The following HPSE2 variants were observed in gnomAD, a reference collection of about 807,000 sequenced individuals.
The protein encoded by HPSE2 is inactive heparanase-2.
Under a neutral mutation model 60.5 loss-of-function variants are expected in HPSE2, and 38 were observed. The ratio of observed to expected loss-of-function variants is 0.63; its 90% CI spans 0.48 to 0.82. The LOEUF (loss-of-function observed/expected upper bound fraction) is 0.82. HPSE2 is among the 40% of genes least tolerant of loss of function. HPSE2 has a pLI of 0.00. For missense variants in HPSE2, 713 were observed against 740.4 expected, an observed-to-expected ratio of 0.96 and a Z score of 0.43; for synonymous variants, 295 against 293.2, an observed-to-expected ratio of 1.01 and a Z score of -0.06.
intron 6 of HPSE2, among the ~76,000 whole-genome samples, chr10:98,646,773 C>G (rs571586333): frequency 6.6e-6 from 1 of 151,960 alleles, no homozygotes; most frequent in Non-Finnish European, 1.5e-5. Context: ...TGGTGTTGCC[C>G]TTTATTTTTA....
At chr10:99,232,669 C>G (rs970428272) in intron 1 of HPSE2, among the ~76,000 whole-genome samples, 164 bp from the exon 2 acceptor site, 1 of 152,252 alleles carries the variant, frequency 6.6e-6, no homozygotes, top group Non-Finnish European at 1.5e-5. Flanking sequence ...GGCCGCTGCC[C>G]TGCGCCCCAG....
intron 2 of HPSE2, among the ~76,000 whole-genome samples, chr10:99,188,498 G>T (rs1848110289): frequency 6.6e-6 from 1 of 152,120 alleles, no homozygotes; most frequent in South Asian, 2.1e-4. Flanking sequence ...ATTTGCAAAG[G>T]TTATCTCTTG....
At chr10:98,528,474 A>G (rs951874007) in intron 9 of HPSE2, among the ~76,000 whole-genome samples, 3 of 152,150 alleles carry the variant, frequency 2.0e-5, no homozygotes, top group African/African-American at 7.2e-5. Context: ...AAAAAGCAGG[A>G]GAGCAAAGAG....
chr10:99,196,663 T>C (rs1461766254), intron 2 of HPSE2, among the ~76,000 whole-genome samples: 1 of 152,210 alleles, frequency 6.6e-6, no homozygotes, highest in Non-Finnish European at 1.5e-5. Context: ...TGCAAGGAGA[T>C]ATTATCTCAC....
intron 8 of HPSE2, among the ~76,000 whole-genome samples, chr10:98,618,447 T>C (rs747900839): frequency 5.9e-5 from 9 of 152,098 alleles, no homozygotes; most frequent in Non-Finnish European, 1.2e-4. Flanking sequence ...CAGCGTCCTA[T>C]AGTGAGTGCT....
chr10:98,697,517 C>T (rs12770577), intron 5 of HPSE2, among the ~76,000 whole-genome samples: 75,407 of 151,624 alleles, frequency 0.5, 20,977 homozygotes, highest in South Asian at 0.74. Context: ...GTAAAAAGAC[C>T]AAACATATGA....
chr10:99,165,684 T>C (rs191134584), intron 2 of HPSE2, among the ~76,000 whole-genome samples: 16 of 152,038 alleles, frequency 1.1e-4, no homozygotes, highest in Admixed American at 9.8e-4. Context: ...GTAGCTGGGA[T>C]TACAGATGCG....
intron 2 of HPSE2, among the ~76,000 whole-genome samples, chr10:99,200,519 T>C (rs1848540899): frequency 6.6e-6 from 1 of 152,096 alleles, no homozygotes; most frequent in South Asian, 2.1e-4. Context: ...ACAAGTTATT[T>C]AACATTTTCA....
At chr10:99,202,045 A>C (rs1848592917) in intron 2 of HPSE2, among the ~76,000 whole-genome samples, 1 of 152,242 alleles carries the variant, frequency 6.6e-6, no homozygotes, top group Admixed American at 6.5e-5. Flanking sequence ...AGGTGCTGGA[A>C]GTAACAAAGT....
intron 6 of HPSE2, among the ~76,000 whole-genome samples, chr10:98,685,432 C>T (rs1947889145): frequency 6.6e-6 from 1 of 152,072 alleles, no homozygotes; most frequent in African/African-American, 2.4e-5. Flanking sequence ...AATTTGTATC[C>T]CTACCCCGAC....
chr10:99,279,773 C>A, the HPSE2 span, among the ~76,000 whole-genome samples: 1 of 152,230 alleles, frequency 6.6e-6, no homozygotes, highest in Non-Finnish European at 1.5e-5. Context: ...GTTCCACCCC[C>A]TCAGAGATTG....
At chr10:98,600,699 C>T (rs1200517398) in intron 9 of HPSE2, among the ~76,000 whole-genome samples, 1 of 150,284 alleles carries the variant, frequency 6.7e-6, no homozygotes, top group Non-Finnish European at 1.5e-5. Flanking sequence ...TCATAGTTCT[C>T]CAGAGAAACA....
Position 98,793,860 on chromosome 10 carries a change from T to C in HPSE2, c.611-49804A>G, listed in dbSNP as rs140070642. 1.6e-3 allele frequency among the ~76,000 whole-genome samples: 251 copies of C among 152,252 alleles called. 3 individuals carry two copies. The highest frequency in any genetic ancestry group is 5.6e-3 in the African/African-American group (234 of 41,560). The stretch of plus-strand genomic sequence containing the variant: ...GAAAGTAGAACAAGCTTGGAATCTT[T>C]GAGGAGCAAAAAGAAAGCCAAGGTT... On this transcript the variant is annotated intron_variant, in intron 3 of 11. Coordinates refer to ENST00000370552, the MANE Select transcript of HPSE2 (RefSeq NM_021828.5).
rs11190009 is a variant in HPSE2, at chr10:99,184,813, T to C, written c.449-40414A>G. On this transcript the variant is annotated intron_variant, in intron 2 of 11. Coordinates refer to ENST00000370552, the MANE Select transcript of HPSE2 (RefSeq NM_021828.5). ...ATATATATATATATATATATATATA[T>C]ATATATAGAGAGAGAGAGAGAGAGA... Among the ~76,000 whole-genome samples the C allele has an allele frequency of 1.6e-3, 50 of 30,968 alleles. 8 individuals carry two copies. Among genetic ancestry groups the C allele is most frequent in the Middle Eastern group, 0.043 (2 of 46 alleles). The allele number at this position is 30,968 out of a possible 152,430, so 20.3% of individuals were successfully genotyped here.
At chr10:99,117,745 G>C (rs1240642390) in intron 3 of HPSE2, among the ~76,000 whole-genome samples, 1 of 151,866 alleles carries the variant, frequency 6.6e-6, no homozygotes, top group African/African-American at 2.4e-5. Flanking sequence ...CCCCAAAAAA[G>C]CCCAGGAACA....
chr10:99,112,966 T>C (rs5787323), intron 3 of HPSE2, among the ~76,000 whole-genome samples: 124,249 of 150,328 alleles, frequency 0.83, 52,034 homozygotes, highest in South Asian at 0.97. Flanking sequence ...CACACACATA[T>C]ACACATGCAT....
intron 3 of HPSE2, among the ~76,000 whole-genome samples, chr10:98,834,908 G>C (rs554124561): frequency 1.3e-5 from 2 of 151,292 alleles, no homozygotes; most frequent in South Asian, 4.2e-4. Flanking sequence ...AGTTACTTAT[G>C]ATTTCAAAAA....
chr10:99,104,725 T>C (rs1328860745), intron 3 of HPSE2, among the ~76,000 whole-genome samples: 2 of 152,152 alleles, frequency 1.3e-5, no homozygotes, highest in Non-Finnish European at 2.9e-5. Context: ...TGGAATACTA[T>C]GCAGCCATAA....
intron 3 of HPSE2, among the ~76,000 whole-genome samples, chr10:98,950,023 T>C (rs948298623): frequency 1.3e-5 from 2 of 152,192 alleles, no homozygotes; most frequent in Admixed American, 6.5e-5. Flanking sequence ...AACAGCTGAT[T>C]CCATCCTAGT....
Sources: gnomAD v4.1 joint callset for allele counts (sites outside exome capture counted in the v4.1 genomes callset) on GRCh38, gnomAD v4.1.1 for gene constraint, MANE v1.5 for transcripts, NCBI Gene and HGNC (gene_info 2026-07-23, HGNC 2026-07-21) for gene names.